Variants in EDIL3 observed in about 807,000 individuals in gnomAD.
EDIL3 encodes EGF like and discoidin domains 3, also known as EGF-like repeat and discoidin I-like domain-containing protein 3.
A neutral mutation model predicts 67.4 loss-of-function variants in EDIL3; 37 were observed. That is an observed-to-expected ratio of 0.55 (90% CI 0.42 to 0.72). The LOEUF (loss-of-function observed/expected upper bound fraction) is 0.72. Ranked by LOEUF, EDIL3 falls within the 30% of genes least tolerant of loss-of-function variation. The pLI is 0.00. For synonymous variants in EDIL3, 195 were observed against 196.3 expected, an observed-to-expected ratio of 0.99 and a Z score of 0.05; for missense variants, 527 against 586.3, an observed-to-expected ratio of 0.90 and a Z score of 1.04.
intron 1 of EDIL3, among the ~76,000 whole-genome samples, chr5:84,375,415 G>GA (rs374933315): frequency 1.0e-3 from 153 of 151,182 alleles, no homozygotes; most frequent in African/African-American, 3.4e-3. Context: ...ACATAAACCA[G>GA]AAAAAAAAAT....
chr5:84,379,165 G>A (rs1561274111), intron 1 of EDIL3, among the ~76,000 whole-genome samples: 1 of 152,132 alleles, frequency 6.6e-6, no homozygotes, highest in South Asian at 2.1e-4. Flanking sequence ...CTCCTTAAAA[G>A]GGTATAATGG....
chr5:83,954,063 CATTA>C (rs1231220683), intron 10 of EDIL3, among the ~76,000 whole-genome samples: 1 of 151,690 alleles, frequency 6.6e-6, no homozygotes, highest in Non-Finnish European at 1.5e-5. Context: ...AATACTGCCA[CATTA>C]ATTAAGACAT....
intron 3 of EDIL3, among the ~76,000 whole-genome samples, chr5:84,189,083 C>T (rs970603213): frequency 1.3e-5 from 2 of 152,008 alleles, no homozygotes; most frequent in African/African-American, 2.4e-5. Context: ...GTATTAGAAT[C>T]GGCTGGCAAA....
At chr5:84,339,095 G>C (rs1026221832) in intron 1 of EDIL3, among the ~76,000 whole-genome samples, 1 of 151,700 alleles carries the variant, frequency 6.6e-6, no homozygotes, top group Non-Finnish European at 1.5e-5. Flanking sequence ...TTTTCTATAC[G>C]TACCAGATGC....
At chr5:84,091,791 T>C (rs572918669) in intron 6 of EDIL3, among the ~76,000 whole-genome samples, 1 of 152,344 alleles carries the variant, frequency 6.6e-6, no homozygotes, top group East Asian at 1.9e-4. Flanking sequence ...GTAAACTTTC[T>C]ATGCTCTTGC....
chr5:84,240,452 G>C (rs1372394121), intron 2 of EDIL3, among the ~76,000 whole-genome samples: 3 of 152,128 alleles, frequency 2.0e-5, no homozygotes, highest in African/African-American at 7.2e-5. Context: ...CTTCCATGGG[G>C]CATGAACCGG....
intron 4 of EDIL3, among the ~76,000 whole-genome samples, chr5:84,158,014 A>T (rs1292982138): frequency 6.6e-6 from 1 of 152,120 alleles, no homozygotes; most frequent in East Asian, 1.9e-4. Context: ...ACAAAGCAGC[A>T]TGCTGCATAT....
At chr5:83,973,031 A>T (rs886853267) in intron 9 of EDIL3, among the ~76,000 whole-genome samples, 4 of 152,118 alleles carry the variant, frequency 2.6e-5, no homozygotes, top group African/African-American at 9.7e-5. Flanking sequence ...GAAGAAAAAT[A>T]TAAAACATTG....
At chr5:84,069,648 G>A (rs1198803413) in intron 6 of EDIL3, among the ~76,000 whole-genome samples, 1 of 152,094 alleles carries the variant, frequency 6.6e-6, no homozygotes, top group Admixed American at 6.5e-5. Context: ...ATTTTGAGAA[G>A]TGTATTATAA....
intron 9 of EDIL3, among the ~76,000 whole-genome samples, chr5:84,040,417 T>C (rs1210086031): frequency 1.3e-5 from 2 of 151,764 alleles, no homozygotes; most frequent in African/African-American, 4.8e-5. Flanking sequence ...GTTCAGAATA[T>C]CTGTTATTGT....
At chr5:84,211,001 G>GC (rs1411595910) in intron 3 of EDIL3, among the ~76,000 whole-genome samples, 3 of 151,976 alleles carry the variant, frequency 2.0e-5, no homozygotes, top group Non-Finnish European at 2.9e-5. Context: ...CCGCCACCCC[G>GC]CCCCCCAACC....
intron 3 of EDIL3, among the ~76,000 whole-genome samples, chr5:84,224,908 A>G (rs915816040): frequency 2.0e-5 from 3 of 151,590 alleles, no homozygotes; most frequent in African/African-American, 7.2e-5. Context: ...ATTTTGGGGT[A>G]CAGTATCTGC....
chr5:84,054,562 A>T lies in EDIL3; in HGVS notation c.1137+5738T>A, dbSNP rs188420155. ...CATGATTGTATATCTAGAAAACCCT[A>T]TCATCTCAGCCCAAAATCTCCTTAA... is the stretch of plus-strand genomic sequence containing the variant. On this transcript the variant is annotated intron_variant, in intron 9 of 10. Transcript: ENST00000296591. Among the ~76,000 whole-genome samples the T allele has an allele frequency of 8.4e-3, 1,271 of 152,168 alleles. 21 individuals are homozygous for T. The highest frequency in any genetic ancestry group is 0.029 in the African/African-American group (1,222 of 41,472).
In EDIL3 at chr5:84,106,736, T is replaced by C. The variant is rs1231965921; in HGVS notation, c.564A>G (p.Lys188=). 1 of 1,613,406 alleles carries C rather than the reference T, an allele frequency of 6.2e-7. No individual in the cohort carries two copies. Among genetic ancestry groups the C allele is most frequent in the Admixed American group, 1.7e-5 (1 of 59,928 alleles). The change falls in exon 6 of 11, where the codon AAA becomes AAG. Residue 188 remains lysine, a synonymous_variant. Transcript: ENST00000296591. ...STHRALFGLQ[K]WYPYYARLNK... ...TAAGACGTGCATAGTAGGGATACCA[T>C]TTTTGGAGTCCAAAAAGAGCTCGGT...
At chr5:84,173,749 A>C (rs1748853433) in intron 4 of EDIL3, among the ~76,000 whole-genome samples, 1 of 152,158 alleles carries the variant, frequency 6.6e-6, no homozygotes, top group Non-Finnish European at 1.5e-5. Flanking sequence ...CCCCCTCCTC[A>C]GCTGGGTGAG....
chr5:84,026,504 T>C (rs894516925), intron 9 of EDIL3, among the ~76,000 whole-genome samples: 7 of 152,202 alleles, frequency 4.6e-5, no homozygotes, highest in African/African-American at 1.7e-4. Context: ...TATTTAACCT[T>C]CTGCCTCTGC....
At chr5:84,340,534 CTA>C (rs776456328) in intron 1 of EDIL3, among the ~76,000 whole-genome samples, 5,743 of 53,550 alleles carry the variant, frequency 0.11, 282 homozygotes, top group Non-Finnish European at 0.15. Flanking sequence ...CTCTCTCTCT[CTA>C]TATATATATA....
intron 9 of EDIL3, among the ~76,000 whole-genome samples, chr5:83,998,605 G>C (rs1036097541): frequency 6.6e-6 from 1 of 152,118 alleles, no homozygotes; most frequent in African/African-American, 2.4e-5. Context: ...ACCTGCTCAG[G>C]CACTGTAAAA....
At chr5:84,348,168 T>C (rs1298495072) in intron 1 of EDIL3, among the ~76,000 whole-genome samples, 1 of 152,098 alleles carries the variant, frequency 6.6e-6, no homozygotes, top group Non-Finnish European at 1.5e-5. Flanking sequence ...TTGGAAAAGG[T>C]GGTAAATACA....
Sources: gnomAD v4.1 joint callset for allele counts (sites outside exome capture counted in the v4.1 genomes callset) on GRCh38, gnomAD v4.1.1 for gene constraint, MANE v1.5 for transcripts, NCBI Gene and HGNC (gene_info 2026-07-23, HGNC 2026-07-21) for gene names.